The following PDIA3 variants were observed in gnomAD, a reference collection of about 807,000 sequenced individuals.
The protein encoded by PDIA3 is protein disulfide isomerase family A member 3.
Under a neutral mutation model 56.9 loss-of-function variants are expected in PDIA3, and 16 were observed. The ratio of observed to expected loss-of-function variants is 0.28; its 90% CI spans 0.19 to 0.43. The LOEUF is 0.43. PDIA3 is among the 20% of genes least tolerant of loss of function. PDIA3 has a pLI of 1.00. For missense variants in PDIA3, 485 were observed against 621.3 expected (o/e 0.78, Z 2.33); for synonymous variants, 192 against 216.5 (o/e 0.89, Z 0.99).
At chr15:43,765,621 T>C in intron 6 of PDIA3, 55 bp downstream of exon 6, 1 of 1,133,572 alleles carries the variant, frequency 8.8e-7, no homozygotes. Context: ...TTAGTTTGTT[T>C]ACCTCAGTTA....
In PDIA3 at chr15:43,749,848, G is replaced by A. The variant is rs117352581; in HGVS notation, c.167+3142G>A. Among the ~76,000 whole-genome samples the A allele has an allele frequency of 3.2e-3, 482 of 152,168 alleles. 9 individuals are homozygous for A. The East Asian group carries it at 0.066, about 21-fold the overall frequency. On this transcript the variant is annotated intron_variant, in intron 1 of 12. Coordinates refer to ENST00000300289, the MANE Select transcript of PDIA3 (RefSeq NM_005313.5). The stretch of plus-strand genomic sequence containing the variant: ...TCCTAGCTACTCAGGAGGCTGAGGT[G>A]GGAGGAGAAGATCACTTGAGCCTGG...
chr15:43,764,689 A>G (rs960444833), intron 5 of PDIA3, among the ~76,000 whole-genome samples: 53 of 152,106 alleles, frequency 3.5e-4, no homozygotes, highest in African/African-American at 1.2e-3. Context: ...TCTGGTCTCA[A>G]ACTCCTGACC....
At chr15:43,769,778 C>T (rs2086870284) in intron 10 of PDIA3, 132 bp downstream of exon 10, 1 of 974,572 alleles carries the variant, frequency 1.0e-6, no homozygotes, top group Non-Finnish European at 1.5e-6. Context: ...GCTGTTTACT[C>T]ACTTTCTCGT....
chr15:43,762,754 A>G (rs1236778982), intron 4 of PDIA3, among the ~76,000 whole-genome samples: 2 of 152,230 alleles, frequency 1.3e-5, no homozygotes, highest in African/African-American at 4.8e-5. Context: ...ATGTCATCTT[A>G]ATTTAATCCT....
chr15:43,756,329 A>G (rs1036571103), intron 2 of PDIA3, among the ~76,000 whole-genome samples: 7 of 152,206 alleles, frequency 4.6e-5, no homozygotes, highest in African/African-American at 1.4e-4. Context: ...AATTTAAGTG[A>G]TTTATCCCTC....
At chr15:43,761,582 A>G (rs542882802) in intron 4 of PDIA3, 51 bp downstream of exon 4, 2 of 998,012 alleles carry the variant, frequency 2.0e-6, no homozygotes, top group Non-Finnish European at 1.6e-6. Context: ...TTGGTTTCCA[A>G]AACCCTCCAT....
intron 3 of PDIA3, among the ~76,000 whole-genome samples, chr15:43,757,014 A>G (rs1247093677): frequency 2.6e-5 from 4 of 152,216 alleles, no homozygotes; most frequent in Non-Finnish European, 4.4e-5. Context: ...TTATTGAGTA[A>G]TTACTGTGTG....
At chr15:43,766,544 C>G (rs997517860) in intron 7 of PDIA3, among the ~76,000 whole-genome samples, 184 bp from the exon 8 acceptor site, 7 of 152,188 alleles carry the variant, frequency 4.6e-5, no homozygotes, top group African/African-American at 1.7e-4. Flanking sequence ...CAGTGAAGTT[C>G]AGTAAGGCAT....
intron 2 of PDIA3, 92 bp downstream of exon 2, chr15:43,753,994 T>A: frequency 1.2e-6 from 1 of 840,560 alleles, no homozygotes. Flanking sequence ...AAAATAACAG[T>A]AATAAATAGT....
At chr15:43,768,418 A>G in intron 8 of PDIA3, 71 bp from the exon 9 acceptor site, 1 of 1,163,978 alleles carries the variant, frequency 8.6e-7, no homozygotes, top group Non-Finnish European at 1.3e-6. Flanking sequence ...GTAACTATTC[A>G]AAGAAATTGC....
In PDIA3 at chr15:43,746,470, C is replaced by T. The variant is rs1005482198; in HGVS notation, c.-70C>T. On this transcript the variant is annotated 5_prime_UTR_variant, in exon 1 of 13. Coordinates refer to ENST00000300289, the MANE Select transcript of PDIA3 (RefSeq NM_005313.5). ...CGAGCGCAAGCAGCGGGTTAGTGGT[C>T]GCGCGCCCGACCTCCGCAGTCCCAG... 1.2e-5 allele frequency: 17 copies of T among 1,369,530 alleles called. No homozygotes were observed. Among genetic ancestry groups the T allele is most frequent in the Middle Eastern group, 2.6e-4 (1 of 3,896 alleles). The allele number at this position is 1,369,530 out of a possible 1,614,324, so 84.8% of individuals were successfully genotyped here. A position where few individuals can be genotyped will look rare whatever the true frequency, so the allele number is the denominator to read the frequency against.
At chr15:43,761,308 CAAG>C (rs2086814614) in intron 3 of PDIA3, 113 bp from the exon 4 acceptor site, 2 of 499,994 alleles carry the variant, frequency 4.0e-6, no homozygotes, top group African/African-American at 2.0e-5. Flanking sequence ...ACAAGGGTGG[CAAG>C]AAGATTTCAT....
At chr15:43,767,026 C>G in intron 8 of PDIA3, 116 bp downstream of exon 8, 1 of 916,062 alleles carries the variant, frequency 1.1e-6, no homozygotes, top group East Asian at 2.4e-5. Flanking sequence ...TTAATCAAGA[C>G]CTATGACTGT....
Position 43,763,216 on chromosome 15 carries a change from TGA to T in PDIA3, c.602+12_602+13del, listed in dbSNP as rs1326125714. The T allele has an allele frequency of 6.2e-7, 1 of 1,612,614 alleles. No homozygotes were observed. The highest frequency in any genetic ancestry group is 1.1e-5 in the South Asian group (1 of 90,986). ...ATGATGATAATGGAGAGTAAGTGACTGAGTTGAATCTCCTGACCAAGTATTAT... is the reference window on the plus strand; with the variant it reads ...ATGATGATAATGGAGAGTAAGTGACTGTTGAATCTCCTGACCAAGTATTAT... On this transcript the variant is annotated intron_variant, in intron 5 of 12. Transcript: ENST00000300289.
At chr15:43,760,119 C>G (rs1304924130) in intron 3 of PDIA3, among the ~76,000 whole-genome samples, 1 of 150,944 alleles carries the variant, frequency 6.6e-6, no homozygotes, top group Non-Finnish European at 1.5e-5. Context: ...AATGGTTTAA[C>G]AAGGCTCATG....
At chr15:43,766,593 C>T (rs1019982093) in intron 7 of PDIA3, 135 bp from the exon 8 acceptor site, 13 of 688,078 alleles carry the variant, frequency 1.9e-5, no homozygotes, top group Admixed American at 8.7e-5. Context: ...CCCAAGAGCT[C>T]AGACTGTTCA....
At chr15:43,761,580 C>A in intron 4 of PDIA3, 49 bp downstream of exon 4, 1 of 992,044 alleles carries the variant, frequency 1.0e-6, no homozygotes, top group Non-Finnish European at 1.6e-6. Flanking sequence ...GTTTGGTTTC[C>A]AAAACCCTCC....
chr15:43,768,928 G>A (rs975196228), intron 9 of PDIA3, among the ~76,000 whole-genome samples: 1 of 151,984 alleles, frequency 6.6e-6, no homozygotes, highest in African/African-American at 2.4e-5. Flanking sequence ...GGAGGCTGAG[G>A]CAGGAGAATC....
At chr15:43,761,394 G>GA (rs1486988058) in intron 3 of PDIA3, 30 bp from the exon 4 acceptor site, 1 of 1,184,664 alleles carries the variant, frequency 8.4e-7, no homozygotes, top group Middle Eastern at 2.0e-4. Context: ...AATAAGTTGT[G>GA]TTGTCATAAC....
Sources: allele counts gnomAD v4.1 joint callset (sites outside exome capture counted in the v4.1 genomes callset), GRCh38; gene constraint gnomAD v4.1.1; transcripts MANE v1.5; gene names NCBI Gene and HGNC (gene_info 2026-07-23, HGNC 2026-07-21).